Variants in FBXL20 observed in about 807,000 individuals in gnomAD.
FBXL20 encodes the protein F-box/LRR-repeat protein 20.
Under a neutral mutation model 64.0 loss-of-function variants are expected in FBXL20, and 11 were observed. The observed-to-expected ratio is 0.17, with a 90% CI of 0.11 to 0.28. The LOEUF (loss-of-function observed/expected upper bound fraction) is 0.28, where lower values mean the gene tolerates loss of function less well. Ranked by LOEUF, FBXL20 falls within the 10% of genes least tolerant of loss-of-function variation. FBXL20 has a pLI of 1.00. For synonymous variants in FBXL20, 184 were observed against 189.0 expected (o/e 0.97, Z 0.22); for missense variants, 303 against 526.2 (o/e 0.58, Z 4.15).
intron 2 of FBXL20, among the ~76,000 whole-genome samples, chr17:39,309,004 G>A (rs2047208185): frequency 1.3e-5 from 2 of 152,128 alleles, no homozygotes; most frequent in African/African-American, 4.8e-5. Flanking sequence ...ACTAATTTTT[G>A]TATTTTAGTA....
intron 1 of FBXL20, among the ~76,000 whole-genome samples, chr17:39,353,606 A>T: frequency 6.8e-6 from 1 of 146,252 alleles, no homozygotes; most frequent in African/African-American, 2.5e-5. Context: ...CACCTTATTT[A>T]TTTATTTATT....
At chr17:39,325,086 T>C (rs896682434) in intron 2 of FBXL20, among the ~76,000 whole-genome samples, 1 of 152,166 alleles carries the variant, frequency 6.6e-6, no homozygotes, top group Non-Finnish European at 1.5e-5. Flanking sequence ...CAGGCACCTG[T>C]AGTCCTAGTT....
At chr17:39,261,646 C>G (rs2046746339) in intron 14 of FBXL20, 79 bp from the exon 15 acceptor site, 4 of 1,047,210 alleles carry the variant, frequency 3.8e-6, no homozygotes, top group Non-Finnish European at 5.7e-6. Flanking sequence ...GAAAAACTAC[C>G]GAGGGGCTCA....
intron 12 of FBXL20, among the ~76,000 whole-genome samples, chr17:39,267,660 T>C (rs1216663829): frequency 6.6e-6 from 1 of 152,174 alleles, no homozygotes; most frequent in Non-Finnish European, 1.5e-5. Flanking sequence ...GTTTTCATGG[T>C]TATGTTAGGA....
intron 1 of FBXL20, among the ~76,000 whole-genome samples, chr17:39,362,351 GCA>G (rs2047804850): frequency 6.6e-6 from 1 of 152,250 alleles, no homozygotes; most frequent in East Asian, 1.9e-4. Flanking sequence ...TGTAATCCCA[GCA>G]CTTTAGAAGG....
At chr17:39,400,007 GTAC>G (rs1332453032) in intron 1 of FBXL20, among the ~76,000 whole-genome samples, 2 of 152,190 alleles carry the variant, frequency 1.3e-5, no homozygotes, top group East Asian at 3.9e-4. Context: ...GGTTTTTACG[GTAC>G]TACTGAATAC....
At position 39,366,724 on chromosome 17, in the gene FBXL20, G is replaced by A. The variant is rs191746224; in HGVS notation, c.43-23483C>T. 8.5e-5 allele frequency among the ~76,000 whole-genome samples: 13 copies of A among 152,228 alleles called. No individual in the cohort carries two copies. In the East Asian group the frequency reaches 1.4e-3, roughly 16 times the overall value. ...CACTGCTTGATGCATTTCTGACCTC[G>A]TAAGTTTCTGCTGTGATATATAATG... On this transcript the variant is annotated intron_variant, in intron 1 of 14. Transcript: ENST00000264658.
At chr17:39,332,133 G>C (rs1299667890) in intron 2 of FBXL20, among the ~76,000 whole-genome samples, 7 of 152,206 alleles carry the variant, frequency 4.6e-5, no homozygotes, top group African/African-American at 1.7e-4. Flanking sequence ...GGAAAACACA[G>C]ACTTGTATTT....
intron 1 of FBXL20, among the ~76,000 whole-genome samples, chr17:39,373,335 C>G (rs936923747): frequency 6.6e-6 from 1 of 152,094 alleles, no homozygotes; most frequent in Non-Finnish European, 1.5e-5. Flanking sequence ...GTGTTTCTAC[C>G]CTTTCTGAAC....
At chr17:39,382,087 C>A (rs1461582647) in intron 1 of FBXL20, among the ~76,000 whole-genome samples, 1 of 127,408 alleles carries the variant, frequency 7.8e-6, no homozygotes, top group East Asian at 2.2e-4. Context: ...AGCGAGACTC[C>A]GTCTCAAAAA....
At chr17:39,314,149 C>T (rs1035173867) in intron 2 of FBXL20, among the ~76,000 whole-genome samples, 1 of 152,094 alleles carries the variant, frequency 6.6e-6, no homozygotes, top group Non-Finnish European at 1.5e-5. Context: ...TATAGATTTG[C>T]CTATTCCGCA....
chr17:39,304,736 C>T (rs1445297143), intron 2 of FBXL20, among the ~76,000 whole-genome samples: 2 of 152,086 alleles, frequency 1.3e-5, no homozygotes, highest in Non-Finnish European at 2.9e-5. Context: ...GGACTAAAGG[C>T]GCATGCCACC....
At chr17:39,368,887 C>T (rs562297941) in intron 1 of FBXL20, among the ~76,000 whole-genome samples, 1 of 152,216 alleles carries the variant, frequency 6.6e-6, no homozygotes, top group African/African-American at 2.4e-5. Context: ...GATCTCCTCA[C>T]CTCGTGATCT....
At chr17:39,357,072 G>A (rs1015976197) in intron 1 of FBXL20, among the ~76,000 whole-genome samples, 6 of 151,216 alleles carry the variant, frequency 4.0e-5, no homozygotes, top group African/African-American at 9.7e-5. Flanking sequence ...TTGGGAGTTC[G>A]AGACCAGCCT....
At chr17:39,351,339 C>CA (rs375439559) in intron 1 of FBXL20, among the ~76,000 whole-genome samples, 37,475 of 95,486 alleles carry the variant, frequency 0.39, 6,068 homozygotes, top group African/African-American at 0.51. Context: ...TCTGTCTCAC[C>CA]AAAAAAAAAA....
At chr17:39,300,420 A>G (rs78540527) in intron 4 of FBXL20, among the ~76,000 whole-genome samples, 1 of 152,304 alleles carries the variant, frequency 6.6e-6, no homozygotes, top group Non-Finnish European at 1.5e-5. Context: ...GTTCAAATTC[A>G]GTTTAAAATA....
chr17:39,287,511 G>A (rs976947632), intron 6 of FBXL20, among the ~76,000 whole-genome samples: 1 of 151,966 alleles, frequency 6.6e-6, no homozygotes, highest in African/African-American at 2.4e-5. Flanking sequence ...GGGCTCAAGC[G>A]ATCTCCCACT....
Position 39,299,010 on chromosome 17 carries a change from T to A in FBXL20, c.309A>T (p.Gly103=), listed in dbSNP as rs749707100. Residue 103 remains glycine (G), a synonymous_variant, in exon 5 of 15, where the codon GGA becomes GGT. Coordinates refer to ENST00000264658, the MANE Select transcript of FBXL20 (RefSeq NM_032875.3). ...TTTACCTTAATGCATTGTCTCCCAC[T>A]CCAAGACATCCACGAAGACTTAACT... is the stretch of plus-strand genomic sequence containing the variant. ...LRKLSLRGCL[G]VGDNALRTFA... is the part of the protein sequence containing the mutation. The A allele has an allele frequency of 1.7e-5, 27 of 1,613,692 alleles. No individual in the cohort carries two copies. Among genetic ancestry groups the A allele is most frequent in the Non-Finnish European group, 2.2e-5 (26 of 1,179,774 alleles).
intron 2 of FBXL20, among the ~76,000 whole-genome samples, chr17:39,319,004 A>G (rs969560228): frequency 1.3e-5 from 2 of 152,026 alleles, no homozygotes; most frequent in Admixed American, 1.3e-4. Flanking sequence ...TAATCTCAGC[A>G]CTTTGGGAGG....
Sources: gnomAD v4.1 joint callset for allele counts (sites outside exome capture counted in the v4.1 genomes callset) on GRCh38, gnomAD v4.1.1 for gene constraint, MANE v1.5 for transcripts, NCBI Gene and HGNC (gene_info 2026-07-23, HGNC 2026-07-21) for gene names.